DGKB: variants seen among roughly 807,000 people sequenced by gnomAD.
DGKB encodes diacylglycerol kinase beta.
In DGKB, 67 loss-of-function variants were observed where a neutral mutation model predicts 114.3. That is an observed-to-expected ratio of 0.59 (90% CI 0.48 to 0.72). The LOEUF (loss-of-function observed/expected upper bound fraction) is 0.72. DGKB is among the 30% of genes least tolerant of loss of function. DGKB has a pLI of 0.00. For synonymous variants in DGKB, 398 were observed against 323.1 expected (o/e 1.23, Z -2.49); for missense variants, 907 against 975.2 (o/e 0.93, Z 0.93).
At chr7:14,192,030 T>A in intron 23 of DGKB, 4 of 484,106 alleles carry the variant, frequency 8.3e-6, no homozygotes, top group South Asian at 4.9e-5. Flanking sequence ...TCTGAGTCAT[T>A]TTGCTATTTG....
intron 13 of DGKB, among the ~76,000 whole-genome samples, chr7:14,669,051 C>A (rs1209437218): frequency 6.6e-6 from 1 of 152,084 alleles, no homozygotes; most frequent in Non-Finnish European, 1.5e-5. Flanking sequence ...TTTCTTTGAA[C>A]AATTTTGTTC....
intron 1 of DGKB, among the ~76,000 whole-genome samples, chr7:14,872,023 C>T (rs896279269): frequency 7.9e-5 from 12 of 152,100 alleles, no homozygotes; most frequent in African/African-American, 2.7e-4. Flanking sequence ...TTCTCAGGAA[C>T]ATTAACCTCT....
At chr7:14,795,052 A>G (rs1841208602) in intron 2 of DGKB, among the ~76,000 whole-genome samples, 1 of 152,206 alleles carries the variant, frequency 6.6e-6, no homozygotes, top group Admixed American at 6.5e-5. Context: ...TTCTAGACCT[A>G]TAATTAGACT....
chr7:14,533,795 G>A (rs916333636), intron 20 of DGKB, among the ~76,000 whole-genome samples: 14 of 151,924 alleles, frequency 9.2e-5, no homozygotes, highest in Non-Finnish European at 2.1e-4. Flanking sequence ...GCAAAAAATT[G>A]TCAACCAAAA....
rs567029808 is a variant in DGKB at position 14,695,682 on chromosome 7, T to C, written c.592-1488A>G. Among the ~76,000 whole-genome samples, 5 of 151,848 alleles carry C rather than the reference T, an allele frequency of 3.3e-5. No individual in the cohort carries two copies. In the South Asian group the frequency reaches 1.0e-3, roughly 32 times the overall value. ...GCCCGGCTGATTTTTTTTGTGTGTGTATTTTTAGTAGACACAGGGTTTCAC... is the reference window on the plus strand; with the variant it reads ...GCCCGGCTGATTTTTTTTGTGTGTGCATTTTTAGTAGACACAGGGTTTCAC... On this transcript the variant is annotated intron_variant, in intron 8 of 25. Coordinates refer to ENST00000402815, the MANE Select transcript of DGKB (RefSeq NM_001350709.2).
intron 6 of DGKB, among the ~76,000 whole-genome samples, chr7:14,713,940 A>C (rs1489160173): frequency 2.6e-5 from 4 of 152,268 alleles, no homozygotes; most frequent in South Asian, 2.1e-4. Context: ...AGTCAAAAAT[A>C]TAAAGTTAGT....
intron 21 of DGKB, among the ~76,000 whole-genome samples, chr7:14,418,136 A>AT (rs1019972007): frequency 7.5e-4 from 109 of 145,754 alleles, no homozygotes; most frequent in African/African-American, 2.5e-3. Flanking sequence ...AAAAATATAT[A>AT]TTTTATATAT....
intron 6 of DGKB, 120 bp from the exon 7 acceptor site, chr7:14,701,850 C>T: frequency 1.5e-6 from 1 of 647,960 alleles, no homozygotes; most frequent in Non-Finnish European, 2.8e-6. Flanking sequence ...TCTCCTGCTC[C>T]AAACAATTAA....
chr7:14,887,837 T>C (rs1392992678), intron 1 of DGKB, among the ~76,000 whole-genome samples: 3 of 151,730 alleles, frequency 2.0e-5, no homozygotes, highest in East Asian at 1.9e-4. Context: ...GCATTTCCGA[T>C]GTCTAGAACA....
chr7:14,631,171 T>G (rs567520406), intron 13 of DGKB, among the ~76,000 whole-genome samples: 1 of 149,526 alleles, frequency 6.7e-6, no homozygotes, highest in South Asian at 2.1e-4. Context: ...GTCTGGGCAG[T>G]GCTAGATCAC....
At chr7:14,567,921 T>C (rs1419018031) in intron 20 of DGKB, among the ~76,000 whole-genome samples, 1 of 152,126 alleles carries the variant, frequency 6.6e-6, no homozygotes, top group Non-Finnish European at 1.5e-5. Context: ...GACCTGTGTC[T>C]TTAATTTACT....
intron 25 of DGKB, among the ~76,000 whole-genome samples, chr7:14,151,380 T>C (rs1211953792): frequency 1.3e-5 from 2 of 151,968 alleles, no homozygotes; most frequent in African/African-American, 4.8e-5. Context: ...ATAATTATTA[T>C]CTATAAGACT....
intron 1 of DGKB, among the ~76,000 whole-genome samples, chr7:14,892,950 ATATG>A (rs1349215605): frequency 1.4e-5 from 2 of 140,318 alleles, no homozygotes; most frequent in Non-Finnish European, 3.3e-5. Flanking sequence ...ATACACACAC[ATATG>A]TGTGTGTATA....
At chr7:14,648,473 T>A (rs202187152) in intron 13 of DGKB, among the ~76,000 whole-genome samples, 1 of 150,928 alleles carries the variant, frequency 6.6e-6, no homozygotes, top group African/African-American at 2.4e-5. Context: ...AGAAAGGACA[T>A]CCACACCAAA....
At chr7:14,734,357 T>C (rs1831393783) in intron 5 of DGKB, among the ~76,000 whole-genome samples, 3 of 152,190 alleles carry the variant, frequency 2.0e-5, no homozygotes, top group Non-Finnish European at 4.4e-5. Context: ...AACAATTCTA[T>C]ATTCTACTTT....
rs139992884 is a variant in DGKB, at chr7:14,605,576, A to G, written c.1433+1858T>C. The stretch of plus-strand genomic sequence containing the variant: ...ATTCATTGTAGTGTAGACTTTTTAC[A>G]GTTACATACATTACTTTCATTTTTT... On this transcript the variant is annotated intron_variant, in intron 17 of 25. Coordinates refer to ENST00000402815, the MANE Select transcript of DGKB (RefSeq NM_001350709.2). Among the ~76,000 whole-genome samples, 170 of 151,948 alleles carry G rather than the reference A, an allele frequency of 1.1e-3. 3 individuals carry two copies. In the East Asian group the frequency reaches 0.031, roughly 28 times the overall value.
chr7:14,627,775 CTACTAAAAAT>C (rs1244553432), intron 14 of DGKB, among the ~76,000 whole-genome samples: 2 of 151,884 alleles, frequency 1.3e-5, no homozygotes, highest in Non-Finnish European at 2.9e-5. Flanking sequence ...AACCTCATCT[CTACTAAAAAT>C]ACAAAAAATT....
chr7:14,159,062 A>G (rs1783469052), intron 25 of DGKB, among the ~76,000 whole-genome samples: 1 of 152,044 alleles, frequency 6.6e-6, no homozygotes, highest in South Asian at 2.1e-4. Context: ...GTGCACATCT[A>G]CTCACATCAC....
chr7:14,174,535 G>T, intron 25 of DGKB, among the ~76,000 whole-genome samples: 1 of 152,150 alleles, frequency 6.6e-6, no homozygotes, highest in East Asian at 1.9e-4. Context: ...ATGGACGCTA[G>T]TTGGTTTTAT....
Sources: gnomAD v4.1 joint callset for allele counts (sites outside exome capture counted in the v4.1 genomes callset) on GRCh38, gnomAD v4.1.1 for gene constraint, MANE v1.5 for transcripts, NCBI Gene and HGNC (gene_info 2026-07-23, HGNC 2026-07-21) for gene names.